Variants in NEO1 observed in about 807,000 individuals in gnomAD.
The protein encoded by NEO1 is neogenin 1.
NEO1 carries 63 observed loss-of-function variants against 159.7 expected under a neutral mutation model. The observed-to-expected ratio is 0.39, with a 90% CI of 0.32 to 0.49. NEO1 has a LOEUF of 0.49. NEO1 is among the 20% of genes least tolerant of loss of function. The pLI is 0.85. For missense variants in NEO1, 1,615 were observed against 1,831.0 expected, an observed-to-expected ratio of 0.88 and a Z score of 2.15; for synonymous variants, 633 against 662.0, an observed-to-expected ratio of 0.96 and a Z score of 0.67.
At chr15:73,271,044 AAT>A (rs1176598169) in intron 18 of NEO1, among the ~76,000 whole-genome samples, 1 of 152,172 alleles carries the variant, frequency 6.6e-6, no homozygotes, top group Non-Finnish European at 1.5e-5. Flanking sequence ...AACCATTTCA[AAT>A]CTCTGTCTAT....
Position 73,191,516 on chromosome 15 carries a change from A to G in NEO1, c.1291+13089A>G, listed in dbSNP as rs187792094. Among the ~76,000 whole-genome samples, 256 of 126,460 alleles carry G rather than the reference A, an allele frequency of 2.0e-3. 15 individuals carry two copies. Among genetic ancestry groups the G allele is most frequent in the African/African-American group, 6.5e-3 (250 of 38,556 alleles). The allele number at this position is 126,460 out of a possible 152,430, so 83.0% of individuals were successfully genotyped here. A position where few individuals can be genotyped will look rare whatever the true frequency, so the allele number is the denominator to read the frequency against. On this transcript the variant is annotated intron_variant, in intron 7 of 28. Coordinates refer to ENST00000261908, the MANE Select transcript of NEO1 (RefSeq NM_002499.4). ...TTTAGGATAATAGTAACTTTAGGAT[A>G]ATAGTAATTGGAAAGAACATAGAAA...
chr15:73,265,549 T>C (rs1229436380), intron 15 of NEO1, among the ~76,000 whole-genome samples: 2 of 152,230 alleles, frequency 1.3e-5, no homozygotes, highest in East Asian at 3.8e-4. Context: ...AATCAAGCCT[T>C]GCACATGTGT....
chr15:73,148,892 T>A, intron 5 of NEO1, among the ~76,000 whole-genome samples: 1 of 150,342 alleles, frequency 6.7e-6, no homozygotes, highest in African/African-American at 2.5e-5. Context: ...AGCAAAATCA[T>A]AATTGGAAGT....
At chr15:73,264,954 G>T (rs2040815354) in intron 15 of NEO1, among the ~76,000 whole-genome samples, 1 of 152,180 alleles carries the variant, frequency 6.6e-6, no homozygotes, top group Non-Finnish European at 1.5e-5. Context: ...GGTGCTGAGG[G>T]AGAGAAATGG....
At chr15:73,207,724 C>T (rs2037318702) in intron 7 of NEO1, among the ~76,000 whole-genome samples, 1 of 152,218 alleles carries the variant, frequency 6.6e-6, no homozygotes, top group Admixed American at 6.5e-5. Context: ...CAGCATTCCC[C>T]AGCATGTACC....
intron 1 of NEO1, among the ~76,000 whole-genome samples, chr15:73,083,831 A>G (rs2069203752): frequency 6.6e-6 from 1 of 152,152 alleles, no homozygotes; most frequent in South Asian, 2.1e-4. Context: ...TATTAACAGT[A>G]CTTAGATTAT....
chr15:73,263,762 A>T (rs2040753545), intron 15 of NEO1, among the ~76,000 whole-genome samples: 1 of 152,174 alleles, frequency 6.6e-6, no homozygotes, highest in African/African-American at 2.4e-5. Context: ...GGATTTAAAT[A>T]TTCAAAAAAA....
intron 5 of NEO1, among the ~76,000 whole-genome samples, chr15:73,150,254 A>G (rs922419891): frequency 1.8e-4 from 28 of 152,230 alleles, no homozygotes; most frequent in African/African-American, 6.5e-4. Context: ...CATGTTTTAC[A>G]TAGTATTTTT....
chr15:73,116,639 A>C lies in NEO1; in HGVS notation c.230A>C (p.Tyr77Ser). 6.2e-7 allele frequency: 1 copy of C among 1,613,968 alleles called. No individual in the cohort carries two copies. ...TCTGTTATATTAAACTGTTCAGCAT[A>C]TTCTGAGCCTTCTCCAAAAATTGAA... ...GSSVILNCSA[Y>S]SEPSPKIEWK... Residue 77 changes from tyrosine (Y) to serine (S), a missense_variant, in exon 2 of 29, where the codon TAT becomes TCT. By Grantham distance (144) the Tyr-to-Ser change is moderately radical. Transcript: ENST00000261908.
chr15:73,128,008 T>C (rs930714838), intron 4 of NEO1, among the ~76,000 whole-genome samples: 5 of 152,154 alleles, frequency 3.3e-5, no homozygotes, highest in African/African-American at 1.2e-4. Context: ...CAGGTATCTA[T>C]CTAGTTATCT....
chr15:73,165,262 A>G (rs1189875989), intron 5 of NEO1, among the ~76,000 whole-genome samples: 1 of 152,140 alleles, frequency 6.6e-6, no homozygotes, highest in Non-Finnish European at 1.5e-5. Context: ...ATTTCTCTCT[A>G]AGGAGGGTAC....
At chr15:73,295,161 C>T (rs747136128) in intron 26 of NEO1, among the ~76,000 whole-genome samples, 21 of 104,528 alleles carry the variant, frequency 2.0e-4, no homozygotes, top group Non-Finnish European at 4.1e-4. Flanking sequence ...TTTGGCCTTT[C>T]TACTATCTCC....
At chr15:73,284,274 G>A (rs547535480) in intron 23 of NEO1, among the ~76,000 whole-genome samples, 16 of 152,250 alleles carry the variant, frequency 1.1e-4, no homozygotes, top group African/African-American at 3.4e-4. Flanking sequence ...GTGTTGCTCC[G>A]CTAGAGAAAG....
intron 5 of NEO1, among the ~76,000 whole-genome samples, chr15:73,153,591 G>A (rs1057194562): frequency 2.0e-5 from 3 of 152,202 alleles, no homozygotes; most frequent in Non-Finnish European, 4.4e-5. Context: ...AGTTATATTG[G>A]CGAAAGTCGT....
chr15:73,301,463 T>A lies in NEO1; in HGVS notation c.4302+6T>A, dbSNP rs776748789. The A allele has an allele frequency of 6.2e-7, 1 of 1,614,074 alleles. No homozygotes were observed. Among genetic ancestry groups the A allele is most frequent in the South Asian group, 1.1e-5 (1 of 91,046 alleles). ...TGTTGGAAGACTCCGAGAGTGTAAG[T>A]TCGTGGGGCCATCAGTCCAGCCAGA... On this transcript the variant is annotated splice_donor_region_variant and intron_variant, in intron 28 of 28. Transcript: ENST00000261908.
At chr15:73,052,079 A>T (rs1365230940), upstream of NEO1, 1 of 149,750 alleles carries the variant, frequency 6.7e-6, no homozygotes, top group East Asian at 2.0e-4. Flanking sequence ...CGGGAGGAGC[A>T]GGAGGATCCG....
At position 73,115,994 on chromosome 15, in the gene NEO1, A is replaced by G. The variant is rs80004322; in HGVS notation, c.131-546A>G. Among the ~76,000 whole-genome samples, 867 of 152,322 alleles carry G rather than the reference A, an allele frequency of 5.7e-3. 12 individuals are homozygous for G. The highest frequency in any genetic ancestry group is 0.02 in the African/African-American group (822 of 41,576). ...ATGTAGCTTAAAATTTATTCTTATA[A>G]CAAATATTATAAAGTCAAATGGAAA... On this transcript the variant is annotated intron_variant, in intron 1 of 28. Transcript: ENST00000261908.
At chr15:73,078,331 T>C (rs1039493918) in intron 1 of NEO1, among the ~76,000 whole-genome samples, 2 of 152,214 alleles carry the variant, frequency 1.3e-5, no homozygotes, top group African/African-American at 4.8e-5. Context: ...CTTTCTGTGA[T>C]ATACTGTATT....
intron 1 of NEO1, among the ~76,000 whole-genome samples, chr15:73,079,094 G>T (rs1247765017): frequency 6.6e-6 from 1 of 152,180 alleles, no homozygotes; most frequent in Non-Finnish European, 1.5e-5. Context: ...TAATTGTTCA[G>T]AGTTGTGTAT....
Sources: allele counts gnomAD v4.1 joint callset (sites outside exome capture counted in the v4.1 genomes callset), GRCh38; gene constraint gnomAD v4.1.1; transcripts MANE v1.5; gene names NCBI Gene and HGNC (gene_info 2026-07-23, HGNC 2026-07-21).